The following ERFL variants were observed in gnomAD, a reference collection of about 807,000 sequenced individuals.
The protein encoded by ERFL is ETS domain-containing transcription factor ERF-like.
ERFL carries 8 observed loss-of-function variants against 27.9 expected under a neutral mutation model. The observed-to-expected ratio is 0.29, with a 90% CI of 0.17 to 0.52. ERFL has a LOEUF of 0.52. Among genes scored for constraint, ERFL ranks in the 20% least tolerant of loss-of-function variants. The pLI is 0.97. For missense variants in ERFL, 294 were observed against 444.4 expected, an observed-to-expected ratio of 0.66 and a Z score of 3.04; for synonymous variants, 174 against 202.8, an observed-to-expected ratio of 0.86 and a Z score of 1.21.
intron 1 of ERFL, among the ~76,000 whole-genome samples, chr19:41,918,530 C>T (rs2074817547): frequency 6.8e-6 from 1 of 147,724 alleles, no homozygotes. Flanking sequence ...ACACACACAC[C>T]ATACACTCAC....
chr19:41,920,859 CAG>C (rs1187806658), intron 1 of ERFL, among the ~76,000 whole-genome samples: 2 of 152,346 alleles, frequency 1.3e-5, no homozygotes, highest in East Asian at 1.9e-4. Flanking sequence ...AGGCCAGAGA[CAG>C]AGAGGCCTGT....
chr19:41,909,113 G>A lies in ERFL; in HGVS notation c.563C>T (p.Thr188Ile), dbSNP rs1288161167. The change falls in exon 5 of 6, where the codon ACC (threonine) becomes ATC (isoleucine). Residue 188 changes from threonine (T) to isoleucine (I), a missense_variant. Around this residue, in one of 3 missense-constraint regions of ERFL, gnomAD observed 246 missense variants for 371.4 expected, o/e 0.66. Coordinates refer to ENST00000597630, the MANE Select transcript of ERFL (RefSeq NM_001365103.2). This position sits in a 1 kb window ranked among gnomAD's most constrained non-coding sequence, Gnocchi z 5.2. ...CAGACGCAATTTATCTGTCTCGGAGGTGAACAGGGGTGTCCGGGCCCCTGG... is the reference window on the plus strand; with the variant it reads ...CAGACGCAATTTATCTGTCTCGGAGATGAACAGGGGTGTCCGGGCCCCTGG... ...GEPGARTPLF[T>I]SETDKLRLDS... The A allele has an allele frequency of 7.3e-6, 9 of 1,231,772 alleles. No individual in the cohort carries two copies. The highest frequency in any genetic ancestry group is 8.1e-6 in the Non-Finnish European group (8 of 988,132). 76.3% of individuals were successfully genotyped at this position (1,231,772 alleles called of 1,614,324 possible). A position where few individuals can be genotyped will look rare whatever the true frequency, so the allele number is the denominator to read the frequency against.
Position 41,908,252 on chromosome 19 carries a change from C to CGCCTTTGCCT in ERFL, c.1031_1040dup (p.Thr352GlnfsTer84). On this transcript the variant is annotated frameshift_variant, in exon 6 of 6. Transcript: ENST00000597630. LOFTEE classifies it high-confidence loss of function. This position sits in a 1 kb window ranked among gnomAD's most constrained non-coding sequence, Gnocchi z 6.7. ...CTCAGCTGCCGGTCCCCCCTTTGCCCGCCTTTGCCTTGGGGGGTGCCGGGA... is the reference window on the plus strand; with the variant it reads ...CTCAGCTGCCGGTCCCCCCTTTGCCCGCCTTTGCCTGCCTTTGCCTTGGGGGGTGCCGGGA... 8.1e-7 allele frequency: 1 copy of CGCCTTTGCCT among 1,231,712 alleles called. No homozygotes were observed. The highest frequency in any genetic ancestry group is 3.1e-4 in the Middle Eastern group (1 of 3,210). 76.3% of individuals were successfully genotyped at this position (1,231,712 alleles called of 1,614,324 possible).
chr19:41,918,512 C>T (rs1422376812), intron 1 of ERFL, among the ~76,000 whole-genome samples: 1 of 145,154 alleles, frequency 6.9e-6, no homozygotes, highest in East Asian at 2.0e-4. Flanking sequence ...ACACACACCA[C>T]ACACATCACA....
chr19:41,928,251 GAC>G lies in ERFL; in HGVS notation c.-227_-226del, dbSNP rs1239979121. 2.6e-5 allele frequency: 4 copies of G among 152,292 alleles called. No homozygotes were observed. The highest frequency in any genetic ancestry group is 9.7e-5 in the African/African-American group (4 of 41,408). The allele number at this position is 152,292 out of a possible 1,614,324, so 9.4% of individuals were successfully genotyped here. Reference sequence around the variant, plus strand: ...GACAGGAGAGACTCAGAGACGGAGAGACAGCCAAGGAGACAGAGACGGGGAGA... The same window carrying G: ...GACAGGAGAGACTCAGAGACGGAGAGAGCCAAGGAGACAGAGACGGGGAGA... On this transcript the variant is annotated 5_prime_UTR_variant, in exon 1 of 6. Transcript: ENST00000597630.
chr19:41,922,683 G>GCTGGGTGC (rs1287944829), intron 1 of ERFL, among the ~76,000 whole-genome samples: 4 of 152,072 alleles, frequency 2.6e-5, no homozygotes, highest in African/African-American at 9.7e-5. Context: ...TGAGGCTGGA[G>GCTGGGTGC]CTGGGTGCCG....
chr19:41,914,904 C>T (rs1599675041), intron 1 of ERFL, among the ~76,000 whole-genome samples: 1 of 105,492 alleles, frequency 9.5e-6, no homozygotes, highest in Admixed American at 8.5e-5. Flanking sequence ...CTGTCTCTGT[C>T]TCTCCCTCCC....
chr19:41,908,376 C>A lies in ERFL; in HGVS notation c.917G>T (p.Gly306Val). 1.7e-5 allele frequency: 21 copies of A among 1,231,360 alleles called. No homozygotes were observed. The highest frequency in any genetic ancestry group is 1.9e-5 in the Non-Finnish European group (19 of 987,722). The allele number at this position is 1,231,360 out of a possible 1,614,324, so 76.3% of individuals were successfully genotyped here. A position where few individuals can be genotyped will look rare whatever the true frequency, so the allele number is the denominator to read the frequency against. The change falls in exon 6 of 6, where the codon GGT (glycine) becomes GTT (valine). Residue 306 changes from glycine to valine, a missense_variant. Around this residue, in one of 3 missense-constraint regions of ERFL, gnomAD observed 246 missense variants for 371.4 expected, o/e 0.66. Transcript: ENST00000597630. The surrounding 1 kb of genome is among the most constrained non-coding windows in gnomAD (Gnocchi z 6.7). ...CTTCCCACCAAGGGCAGCCTCTGGA[C>A]CCCCAGCCCCTGGCAGCGCCAGGCG... ...APRLALPGAG[G>V]PEAALGGKED...
At position 41,909,024 on chromosome 19, in the gene ERFL, T is replaced by TG; in HGVS notation, c.616+35dup. On this transcript the variant is annotated intron_variant, in intron 5 of 5. Coordinates refer to ENST00000597630, the MANE Select transcript of ERFL (RefSeq NM_001365103.2). This position sits in a 1 kb window ranked among gnomAD's most constrained non-coding sequence, Gnocchi z 5.2. ...CCCTCAAGCCTGCAGCTTCTCCCAC[T>TG]GTGCCCCCAGCACCCCAGAACCTCC... is the stretch of plus-strand genomic sequence containing the variant. The TG allele has an allele frequency of 8.6e-7, 1 of 1,168,780 alleles. No individual in the cohort carries two copies. Among genetic ancestry groups the TG allele is most frequent in the East Asian group, 3.2e-5 (1 of 31,346 alleles). 72.4% of individuals were successfully genotyped at this position (1,168,780 alleles called of 1,614,324 possible).
At position 41,907,763 on chromosome 19, in the gene ERFL, T is replaced by C. The variant is rs2074724622; in HGVS notation, c.*465A>G. 5.6e-6 allele frequency: 1 copy of C among 178,534 alleles called. No individual in the cohort carries two copies. 11.1% of individuals were successfully genotyped at this position (178,534 alleles called of 1,614,324 possible). A position where few individuals can be genotyped will look rare whatever the true frequency, so the allele number is the denominator to read the frequency against. Reference sequence around the variant, plus strand: ...TCTCTGGAGGTGACTGTTGGGATCATGGGGAGCTGGTGGGGAGGGGGGCCC... The same window carrying C: ...TCTCTGGAGGTGACTGTTGGGATCACGGGGAGCTGGTGGGGAGGGGGGCCC... On this transcript the variant is annotated 3_prime_UTR_variant, in exon 6 of 6. Coordinates refer to ENST00000597630, the MANE Select transcript of ERFL (RefSeq NM_001365103.2).
Position 41,928,022 on chromosome 19 carries a change from G to C in ERFL, c.-14+18C>G, listed in dbSNP as rs1390700389. The C allele has an allele frequency of 2.0e-5, 3 of 152,124 alleles. No homozygotes were observed. The highest frequency in any genetic ancestry group is 7.2e-5 in the African/African-American group (3 of 41,420). The allele number at this position is 152,124 out of a possible 1,614,324, so 9.4% of individuals were successfully genotyped here. Reference sequence around the variant, plus strand: ...CCGCCCCCTCCCCGCCCCTGCGCCGGCCGCGGCGCTCACTCACTTTCTGGG... The same window carrying C: ...CCGCCCCCTCCCCGCCCCTGCGCCGCCCGCGGCGCTCACTCACTTTCTGGG... On this transcript the variant is annotated intron_variant, in intron 1 of 5. Coordinates refer to ENST00000597630, the MANE Select transcript of ERFL (RefSeq NM_001365103.2).
rs544295220 is a variant in ERFL, at chr19:41,916,072, G to C, written c.-13-3140C>G. On this transcript the variant is annotated intron_variant, in intron 1 of 5. Transcript: ENST00000597630. The surrounding 1 kb of genome is among the most constrained non-coding windows in gnomAD (Gnocchi z 5.4). ...CAGCCATGGCACCGAATGTGTGTGCGCATGTGAGCGAAGCGGTGTGCAGAG... is the reference window on the plus strand; with the variant it reads ...CAGCCATGGCACCGAATGTGTGTGCCCATGTGAGCGAAGCGGTGTGCAGAG... Among the ~76,000 whole-genome samples the C allele has an allele frequency of 6.6e-6, 1 of 151,548 alleles. No homozygotes were observed. The highest frequency in any genetic ancestry group is 2.4e-5 in the African/African-American group (1 of 41,108).
intron 1 of ERFL, among the ~76,000 whole-genome samples, chr19:41,918,500 ACACACACAC>A (rs560919399): frequency 7.0e-4 from 103 of 146,532 alleles, no homozygotes; most frequent in Non-Finnish European, 9.8e-4. Flanking sequence ...CACACACATC[ACACACACAC>A]CACACACATC....
Position 41,910,982 on chromosome 19 carries a change from A to T in ERFL, c.68-885T>A, listed in dbSNP as rs1555851195. Reference sequence around the variant, plus strand: ...GACTTACTAACAACACAAATGCCTGACAAGACACACACAGGACCCCAAATG... The same window carrying T: ...GACTTACTAACAACACAAATGCCTGTCAAGACACACACAGGACCCCAAATG... On this transcript the variant is annotated intron_variant, in intron 2 of 5. Transcript: ENST00000597630. The surrounding 1 kb of genome is among the most constrained non-coding windows in gnomAD (Gnocchi z 4.4). Among the ~76,000 whole-genome samples the T allele has an allele frequency of 6.6e-6, 1 of 152,186 alleles. No individual in the cohort carries two copies. The highest frequency in any genetic ancestry group is 2.4e-5 in the African/African-American group (1 of 41,426).
At chr19:41,913,261 ACGCCCGCC>A (rs1313896978) in intron 1 of ERFL, among the ~76,000 whole-genome samples, 7 of 139,350 alleles carry the variant, frequency 5.0e-5, no homozygotes, top group South Asian at 2.3e-4. Flanking sequence ...GCTGGCTCTC[ACGCCCGCC>A]CGCCCGCCCG....
In ERFL at chr19:41,917,516, C is replaced by A. The variant is rs2074809057; in HGVS notation, c.-13-4584G>T. On this transcript the variant is annotated intron_variant, in intron 1 of 5. Transcript: ENST00000597630. The surrounding 1 kb of genome is among the most constrained non-coding windows in gnomAD (Gnocchi z 4.8). ...CTCCCCTTAACACAATCTGCACAAT[C>A]GGAATGAAAATTGATTTTTTTTTTA... Among the ~76,000 whole-genome samples, 1 of 147,812 alleles carries A rather than the reference C, an allele frequency of 6.8e-6. No individual in the cohort carries two copies. Among genetic ancestry groups the A allele is most frequent in the East Asian group, 2.1e-4 (1 of 4,766 alleles).
Position 41,910,730 on chromosome 19 carries a change from C to T in ERFL, c.68-633G>A, listed in dbSNP as rs942526398. 2.6e-5 allele frequency among the ~76,000 whole-genome samples: 4 copies of T among 152,226 alleles called. No homozygotes were observed. The highest frequency in any genetic ancestry group is 2.0e-4 in the Admixed American group (3 of 15,284). ...CAGTCCAGAACGATGTGTGTGTGTGCGTGGACACACACATGCCCACGGAAG... is the reference window on the plus strand; with the variant it reads ...CAGTCCAGAACGATGTGTGTGTGTGTGTGGACACACACATGCCCACGGAAG... On this transcript the variant is annotated intron_variant, in intron 2 of 5. Transcript: ENST00000597630. The surrounding 1 kb of genome is among the most constrained non-coding windows in gnomAD (Gnocchi z 4.4).
Position 41,908,772 on chromosome 19 carries a change from G to A in ERFL, c.617-96C>T, listed in dbSNP as rs111463697. On this transcript the variant is annotated intron_variant, in intron 5 of 5. Coordinates refer to ENST00000597630, the MANE Select transcript of ERFL (RefSeq NM_001365103.2). The surrounding 1 kb of genome is among the most constrained non-coding windows in gnomAD (Gnocchi z 6.7). ...CTGCCATATCCCACCCCATCTCCCC[G>A]CATCCCTCCTACATGGCATCTTACC... 8.1e-3 allele frequency: 4,859 copies of A among 598,776 alleles called. 189 individuals carry two copies. The African/African-American group carries it at 0.082, about 10-fold the overall frequency. The allele number at this position is 598,776 out of a possible 1,614,324, so 37.1% of individuals were successfully genotyped here.
chr19:41,922,160 C>T (rs1366739069), intron 1 of ERFL, among the ~76,000 whole-genome samples: 1 of 152,086 alleles, frequency 6.6e-6, no homozygotes, highest in African/African-American at 2.4e-5. Context: ...CCCAGAGACC[C>T]AGAGTCCTTC....
Sources: gnomAD v4.1 joint callset for allele counts (sites outside exome capture counted in the v4.1 genomes callset) on GRCh38, gnomAD v4.1.1 for gene constraint, gnomAD v4.1.1 regional missense constraint, Gnocchi (gnomAD v3.1) non-coding constraint, MANE v1.5 for transcripts, NCBI Gene and HGNC (gene_info 2026-07-23, HGNC 2026-07-21) for gene names.